Variants in SLC44A1 observed in about 807,000 individuals in gnomAD.
The protein encoded by SLC44A1 is solute carrier family 44 member 1.
A neutral mutation model predicts 79.3 loss-of-function variants in SLC44A1; 26 were observed. The ratio of observed to expected loss-of-function variants is 0.33; its 90% confidence interval spans 0.24 to 0.46. SLC44A1 has a LOEUF of 0.46. Among genes scored for constraint, SLC44A1 ranks in the 20% least tolerant of loss-of-function variants. The pLI is 1.00. For synonymous variants in SLC44A1, 263 were observed against 286.2 expected, an observed-to-expected ratio of 0.92 and a Z score of 0.82; for missense variants, 688 against 798.1, an observed-to-expected ratio of 0.86 and a Z score of 1.66.
chr9:105,373,374 C>T (rs1024536070), intron 12 of SLC44A1, among the ~76,000 whole-genome samples: 3 of 151,968 alleles, frequency 2.0e-5, no homozygotes, highest in Middle Eastern at 3.2e-3. Flanking sequence ...TTCACATTTC[C>T]CAGAAAACAT....
At chr9:105,307,559 G>A (rs534014850) in intron 2 of SLC44A1, among the ~76,000 whole-genome samples, 6 of 151,782 alleles carry the variant, frequency 4.0e-5, no homozygotes, top group South Asian at 2.1e-4. Flanking sequence ...CAGGAGAATC[G>A]CTTGAACCTG....
At chr9:105,416,513 A>G (rs12338480) in intron 15 of SLC44A1, among the ~76,000 whole-genome samples, 5,935 of 152,208 alleles carry the variant, frequency 0.039, 357 homozygotes, top group African/African-American at 0.14. Context: ...CAAGGAATAA[A>G]TTGAGGCCTA....
At position 105,390,531 on chromosome 9, in the gene SLC44A1, TA is replaced by T. The variant is rs1828740277; in HGVS notation, c.*1476del. 3 of 985,176 alleles carry T rather than the reference TA, an allele frequency of 3.0e-6. No homozygotes were observed. The highest frequency in any genetic ancestry group is 3.6e-6 in the Non-Finnish European group (3 of 829,870). 61.0% of individuals were successfully genotyped at this position (985,176 alleles called of 1,614,324 possible). On this transcript the variant is annotated 3_prime_UTR_variant, in exon 16 of 16. Transcript: ENST00000374720. ...CTCCTACCAGAACTAGACAGTGAAT[TA>T]GATCGGTATTATGGAAATGCATACA...
At chr9:105,365,773 C>G (rs1827922086) in intron 11 of SLC44A1, 134 bp downstream of exon 11, 1 of 887,568 alleles carries the variant, frequency 1.1e-6, no homozygotes, top group East Asian at 2.6e-5. Flanking sequence ...AAATCCAGCC[C>G]TTCTCCCTTG....
At chr9:105,287,097 T>G (rs1193030917) in intron 1 of SLC44A1, among the ~76,000 whole-genome samples, 1 of 152,236 alleles carries the variant, frequency 6.6e-6, no homozygotes, top group Non-Finnish European at 1.5e-5. Context: ...CCAAGCACCC[T>G]TCCTTTTATA....
chr9:105,434,517 G>A (rs766824095), intron 15 of SLC44A1, among the ~76,000 whole-genome samples: 131 of 152,240 alleles, frequency 8.6e-4, no homozygotes, highest in Middle Eastern at 6.8e-3. Flanking sequence ...GATTCATTCC[G>A]GGGGATTCAA....
chr9:105,263,420 T>C (rs562209588), intron 1 of SLC44A1, among the ~76,000 whole-genome samples: 1 of 152,352 alleles, frequency 6.6e-6, no homozygotes, highest in South Asian at 2.1e-4. Flanking sequence ...TTTACAACCA[T>C]GTCTGAATGT....
At chr9:105,377,326 T>C (rs1457349354) in intron 13 of SLC44A1, among the ~76,000 whole-genome samples, 1 of 152,148 alleles carries the variant, frequency 6.6e-6, no homozygotes, top group African/African-American at 2.4e-5. Context: ...AGAATGGAAA[T>C]GAATATCTCA....
rs180989043 is a variant in SLC44A1 at position 105,294,796 on chromosome 9, C to G, written c.37-4424C>G. The G allele has an allele frequency of 4.7e-5, 7 of 149,696 alleles. No individual in the cohort carries two copies. The East Asian group carries it at 1.2e-3, about 25-fold the overall frequency. The allele number at this position is 149,696 out of a possible 1,614,324, so 9.3% of individuals were successfully genotyped here. ...CTGTCTTCTTCTTGGATTTCAATTA[C>G]ATGTATGTCATATCATTTGTTATTA... On this transcript the variant is annotated intron_variant, in intron 1 of 15. Coordinates refer to ENST00000374720, the MANE Select transcript of SLC44A1 (RefSeq NM_080546.5).
chr9:105,319,271 G>A (rs1053746223), intron 3 of SLC44A1, among the ~76,000 whole-genome samples: 11 of 152,036 alleles, frequency 7.2e-5, no homozygotes, highest in African/African-American at 2.2e-4. Context: ...CTCACTGAAC[G>A]CTACTGTACT....
intron 7 of SLC44A1, among the ~76,000 whole-genome samples, chr9:105,359,526 G>A (rs1367927414): frequency 6.6e-6 from 1 of 152,076 alleles, no homozygotes; most frequent in Admixed American, 6.5e-5. Flanking sequence ...GATTAAATTA[G>A]ATCACATCTA....
rs1042204695 is a variant in SLC44A1, at chr9:105,426,991, A to G, written c.1951-11290A>G. ...TGCTTTGTTGCCCAGGCTGGAGTACAGTGGTGCGATCATGGCTCCCTCCAA... is the reference window on the plus strand; with the variant it reads ...TGCTTTGTTGCCCAGGCTGGAGTACGGTGGTGCGATCATGGCTCCCTCCAA... On this transcript the variant is annotated intron_variant, in intron 15 of 15. Coordinates refer to the SLC44A1 transcript ENST00000374724. Among the ~76,000 whole-genome samples the G allele has an allele frequency of 2.0e-5, 3 of 150,412 alleles. No individual in the cohort carries two copies. The Admixed American group carries it at 2.0e-4, about 10-fold the overall frequency.
rs60597289 is a variant in SLC44A1, at chr9:105,432,919, G to C, written c.1951-5362G>C. Among the ~76,000 whole-genome samples, 563 of 152,270 alleles carry C rather than the reference G, an allele frequency of 3.7e-3. 1 individual carries two copies. The highest frequency in any genetic ancestry group is 0.013 in the African/African-American group (540 of 41,554). ...TTCATCAAAAGACACCATTAAAAGA[G>C]AGAAAAGGCAAGCCACAGACTAAAA... On this transcript the variant is annotated intron_variant, in intron 15 of 15. Transcript: ENST00000374724.
chr9:105,302,800 T>C (rs748328178), intron 2 of SLC44A1, among the ~76,000 whole-genome samples: 7 of 152,104 alleles, frequency 4.6e-5, no homozygotes, highest in Non-Finnish European at 8.8e-5. Flanking sequence ...CTGAAAAGTA[T>C]TGAGCAAGAA....
chr9:105,341,448 A>G (rs1164329387), intron 4 of SLC44A1, among the ~76,000 whole-genome samples: 1 of 152,112 alleles, frequency 6.6e-6, no homozygotes, highest in Non-Finnish European at 1.5e-5. Flanking sequence ...ATGGTTCATA[A>G]TTCATATAAC....
intron 1 of SLC44A1, among the ~76,000 whole-genome samples, chr9:105,261,209 A>G (rs1829830735): frequency 1.3e-5 from 2 of 152,202 alleles, no homozygotes; most frequent in Admixed American, 1.3e-4. Context: ...AAGGCACATC[A>G]TAAGCTAGAA....
At chr9:105,296,476 G>T (rs1830724483) in intron 1 of SLC44A1, among the ~76,000 whole-genome samples, 1 of 152,112 alleles carries the variant, frequency 6.6e-6, no homozygotes, top group African/African-American at 2.4e-5. Flanking sequence ...ACTGAATGTT[G>T]GTCTAAGGTA....
At chr9:105,261,572 TA>T (rs943660226) in intron 1 of SLC44A1, among the ~76,000 whole-genome samples, 2 of 152,102 alleles carry the variant, frequency 1.3e-5, no homozygotes, top group African/African-American at 4.8e-5. Flanking sequence ...ATCGGTAGAA[TA>T]AAAAGAGAAT....
intron 15 of SLC44A1, among the ~76,000 whole-genome samples, chr9:105,409,117 TA>T (rs1829065029): frequency 6.6e-6 from 1 of 152,238 alleles, no homozygotes. Context: ...GTAAATGGAT[TA>T]AACTCTTCAG....
Sources: allele counts gnomAD v4.1 joint callset (sites outside exome capture counted in the v4.1 genomes callset), GRCh38; gene constraint gnomAD v4.1.1; transcripts MANE v1.5; gene names NCBI Gene and HGNC (gene_info 2026-07-23, HGNC 2026-07-21).